Variants in SORCS3 observed in about 807,000 individuals in gnomAD.
The protein encoded by SORCS3 is sortilin related VPS10 domain containing receptor 3, also known as VPS10 domain-containing receptor SorCS3.
Under a neutral mutation model 146.3 loss-of-function variants are expected in SORCS3, and 57 were observed. That is an observed-to-expected ratio of 0.39 (90% CI 0.31 to 0.49). The LOEUF (loss-of-function observed/expected upper bound fraction) is 0.49. Ranked by LOEUF, SORCS3 falls within the 20% of genes least tolerant of loss-of-function variation. SORCS3 has a pLI of 0.92. For synonymous variants in SORCS3, 653 were observed against 618.5 expected, an observed-to-expected ratio of 1.06 and a Z score of -0.83; for missense variants, 1,341 against 1,575.5, an observed-to-expected ratio of 0.85 and a Z score of 2.52.
At chr10:104,846,527 C>A (rs1024775690) in intron 2 of SORCS3, among the ~76,000 whole-genome samples, 6 of 152,180 alleles carry the variant, frequency 3.9e-5, no homozygotes, top group African/African-American at 1.2e-4. Flanking sequence ...CAAGATGACA[C>A]CCCCTGTCAG....
At chr10:105,139,841 G>C (rs7086367) in intron 8 of SORCS3, among the ~76,000 whole-genome samples, 4,090 of 152,222 alleles carry the variant, frequency 0.027, 175 homozygotes, top group African/African-American at 0.093. Context: ...AACTCAGCAG[G>C]AGGACAGACG....
chr10:105,125,812 G>A (rs1222599565), intron 7 of SORCS3, among the ~76,000 whole-genome samples: 1 of 152,054 alleles, frequency 6.6e-6, no homozygotes, highest in African/African-American at 2.4e-5. Context: ...GCGATGTGAC[G>A]TTTCTGAGTC....
At chr10:105,023,946 C>T (rs1458554012) in intron 4 of SORCS3, among the ~76,000 whole-genome samples, 3 of 151,994 alleles carry the variant, frequency 2.0e-5, no homozygotes, top group African/African-American at 7.2e-5. Context: ...AACAGGAGGG[C>T]AAGATCACAT....
chr10:104,792,353 C>T (rs974295531), intron 1 of SORCS3, among the ~76,000 whole-genome samples: 6 of 152,176 alleles, frequency 3.9e-5, no homozygotes, highest in Non-Finnish European at 8.8e-5. Context: ...CTCACTGCTG[C>T]CTATTTGTCC....
intron 4 of SORCS3, among the ~76,000 whole-genome samples, chr10:105,028,893 G>C (rs192664902): frequency 1.3e-5 from 2 of 152,298 alleles, no homozygotes; most frequent in East Asian, 3.9e-4. Context: ...CTCAAGATCG[G>C]TACCTAAGAG....
chr10:104,651,772 T>C (rs1309010202), intron 1 of SORCS3, among the ~76,000 whole-genome samples: 2 of 151,972 alleles, frequency 1.3e-5, no homozygotes, highest in African/African-American at 4.8e-5. Flanking sequence ...ATTCCCGGGG[T>C]GTTCCTTTGC....
chr10:104,836,731 C>T (rs1035026052), intron 1 of SORCS3, among the ~76,000 whole-genome samples: 10 of 152,042 alleles, frequency 6.6e-5, no homozygotes, highest in Non-Finnish European at 1.0e-4. Context: ...CCTTGTTTCC[C>T]ACCTTGGCAC....
intron 3 of SORCS3, among the ~76,000 whole-genome samples, chr10:104,927,076 TTTTA>T (rs2133607913): frequency 6.6e-6 from 1 of 152,356 alleles, no homozygotes; most frequent in East Asian, 1.9e-4. Flanking sequence ...CTTTTAAAAT[TTTTA>T]TTTCTATTGT....
At chr10:104,819,180 C>T (rs983946655) in intron 1 of SORCS3, among the ~76,000 whole-genome samples, 12 of 152,116 alleles carry the variant, frequency 7.9e-5, no homozygotes, top group Admixed American at 3.3e-4. Flanking sequence ...TCAGTGTGTA[C>T]AAGATTCACC....
intron 1 of SORCS3, among the ~76,000 whole-genome samples, chr10:104,809,274 G>A (rs917997775): frequency 2.0e-5 from 3 of 152,302 alleles, no homozygotes; most frequent in Middle Eastern, 6.8e-3. Context: ...CAGTTGTTCT[G>A]GTCTTGGTTG....
At chr10:105,172,855 G>A (rs1013740162) in intron 13 of SORCS3, among the ~76,000 whole-genome samples, 1 of 152,042 alleles carries the variant, frequency 6.6e-6, no homozygotes, top group Non-Finnish European at 1.5e-5. Context: ...CATGATAGTG[G>A]CATTGCCAGA....
intron 3 of SORCS3, among the ~76,000 whole-genome samples, chr10:104,971,339 C>T (rs777311382): frequency 6.6e-6 from 1 of 152,152 alleles, no homozygotes; most frequent in African/African-American, 2.4e-5. Flanking sequence ...CTAAGACAAT[C>T]GCAATAGGTA....
chr10:105,257,044 T>G, intron 25 of SORCS3, 120 bp downstream of exon 25: 1 of 737,630 alleles, frequency 1.4e-6, no homozygotes, highest in South Asian at 1.7e-5. Context: ...CTTGAACTTC[T>G]GTTTGACAAT....
chr10:105,242,530 ATT>A (rs2056835205), intron 20 of SORCS3, among the ~76,000 whole-genome samples: 1 of 104,650 alleles, frequency 9.6e-6, no homozygotes, highest in African/African-American at 4.0e-5. Context: ...ATTTATATAT[ATT>A]TATATATATT....
At chr10:104,721,760 A>C (rs2016552571) in intron 1 of SORCS3, among the ~76,000 whole-genome samples, 1 of 152,024 alleles carries the variant, frequency 6.6e-6, no homozygotes, top group Non-Finnish European at 1.5e-5. Context: ...GAGTTCACTC[A>C]TGATTTGGCT....
chr10:105,068,375 A>T (rs567673528), intron 5 of SORCS3, among the ~76,000 whole-genome samples: 1 of 152,200 alleles, frequency 6.6e-6, no homozygotes, highest in South Asian at 2.1e-4. Context: ...CCCCTTGTTG[A>T]ATTTATTACA....
chr10:104,679,946 G>A (rs1268348533), intron 1 of SORCS3, among the ~76,000 whole-genome samples: 3 of 152,088 alleles, frequency 2.0e-5, no homozygotes, highest in African/African-American at 7.2e-5. Context: ...AAAAGAGAGA[G>A]CATATATTGT....
chr10:104,764,745 G>A (rs761248183), intron 1 of SORCS3, among the ~76,000 whole-genome samples: 59 of 152,160 alleles, frequency 3.9e-4, no homozygotes, highest in Non-Finnish European at 7.1e-4. Flanking sequence ...TCACCCAGCA[G>A]GCTCTAGGAA....
intron 6 of SORCS3, among the ~76,000 whole-genome samples, chr10:105,100,994 T>G (rs1217948813): frequency 2.0e-5 from 3 of 152,214 alleles, no homozygotes; most frequent in Non-Finnish European, 4.4e-5. Flanking sequence ...AGTCCCGGAT[T>G]TGATCTCAGC....
Sources: gnomAD v4.1 joint callset for allele counts (sites outside exome capture counted in the v4.1 genomes callset) on GRCh38, gnomAD v4.1.1 for gene constraint, MANE v1.5 for transcripts, NCBI Gene and HGNC (gene_info 2026-07-23, HGNC 2026-07-21) for gene names.